Variants in ADAMTSL1 observed in about 807,000 individuals in gnomAD.
ADAMTSL1 encodes ADAMTS-like protein 1.
In ADAMTSL1, 126 loss-of-function variants were observed where a neutral mutation model predicts 201.8. The observed-to-expected ratio is 0.62, with a 90% CI of 0.54 to 0.72. ADAMTSL1 has a LOEUF of 0.72. Among genes scored for constraint, ADAMTSL1 ranks in the 30% least tolerant of loss-of-function variants. The pLI is 0.00. For missense variants in ADAMTSL1, 2,679 were observed against 2,277.8 expected, an observed-to-expected ratio of 1.18 and a Z score of -3.59; for synonymous variants, 1,121 against 903.4, an observed-to-expected ratio of 1.24 and a Z score of -4.32.
chr9:18,289,169 C>CTATG (rs746653611), intron 2 of ADAMTSL1, among the ~76,000 whole-genome samples: 2 of 106,822 alleles, frequency 1.9e-5, no homozygotes, highest in Admixed American at 1.8e-4. Flanking sequence ...ATCTATCTAT[C>CTATG]TATCTACCTA....
intron 16 of ADAMTSL1, among the ~76,000 whole-genome samples, chr9:18,766,477 T>A (rs532772758): frequency 8.5e-5 from 13 of 152,336 alleles, no homozygotes; most frequent in Non-Finnish European, 1.9e-4. Flanking sequence ...CTTTTTCAAA[T>A]GATCACATTT....
chr9:18,182,990 G>T (rs1828569166), intron 2 of ADAMTSL1, among the ~76,000 whole-genome samples: 1 of 152,072 alleles, frequency 6.6e-6, no homozygotes, highest in Non-Finnish European at 1.5e-5. Flanking sequence ...GGTGTTACTG[G>T]GTTCAAAACT....
intron 2 of ADAMTSL1, among the ~76,000 whole-genome samples, chr9:18,192,664 A>G (rs2132237133): frequency 6.6e-6 from 1 of 152,270 alleles, no homozygotes; most frequent in South Asian, 2.1e-4. Context: ...TGGATCACCT[A>G]GCAAATATTC....
chr9:18,779,482 C>T (rs1347266), intron 19 of ADAMTSL1, among the ~76,000 whole-genome samples: 38,588 of 152,062 alleles, frequency 0.25, 5,367 homozygotes, highest in African/African-American at 0.35. Flanking sequence ...GTAGGTACTA[C>T]TGTAGTTACC....
intron 2 of ADAMTSL1, among the ~76,000 whole-genome samples, chr9:18,348,008 G>C (rs960605001): frequency 1.3e-5 from 2 of 152,188 alleles, no homozygotes; most frequent in African/African-American, 4.8e-5. Context: ...AGCATTGAAA[G>C]CTTGAATCCT....
At chr9:18,639,522 T>A in intron 7 of ADAMTSL1, 111 bp downstream of exon 7, 2 of 1,294,712 alleles carry the variant, frequency 1.5e-6, no homozygotes, top group South Asian at 3.0e-5. Flanking sequence ...GAAAGCCCGT[T>A]TGTTACCCAG....
At chr9:18,098,660 C>T (rs890090051) in intron 1 of ADAMTSL1, among the ~76,000 whole-genome samples, 1 of 152,190 alleles carries the variant, frequency 6.6e-6, no homozygotes, top group Non-Finnish European at 1.5e-5. Flanking sequence ...ATGCTAACAA[C>T]TTCATTTCCT....
chr9:18,497,572 T>C (rs962498660), intron 1 of ADAMTSL1, among the ~76,000 whole-genome samples: 5 of 152,214 alleles, frequency 3.3e-5, no homozygotes, highest in Middle Eastern at 3.2e-3. Flanking sequence ...TCTCTCAGTC[T>C]TATGACAAAG....
At chr9:18,701,473 G>C (rs1333321926) in intron 13 of ADAMTSL1, among the ~76,000 whole-genome samples, 1 of 152,082 alleles carries the variant, frequency 6.6e-6, no homozygotes. Flanking sequence ...GCCCACCTCA[G>C]CCTCCCAAAG....
chr9:18,555,817 G>A (rs2132249313), intron 3 of ADAMTSL1, among the ~76,000 whole-genome samples: 1 of 152,022 alleles, frequency 6.6e-6, no homozygotes, highest in African/African-American at 2.4e-5. Context: ...CATCAAGTGT[G>A]GGCTGGATGG....
chr9:17,976,771 A>T (rs776374908), intron 1 of ADAMTSL1, among the ~76,000 whole-genome samples: 6 of 142,708 alleles, frequency 4.2e-5, no homozygotes, highest in Non-Finnish European at 7.5e-5. Flanking sequence ...ATCATCAATC[A>T]TCTACAAACA....
At chr9:18,173,187 G>T (rs1272496600) in intron 2 of ADAMTSL1, among the ~76,000 whole-genome samples, 1 of 152,034 alleles carries the variant, frequency 6.6e-6, no homozygotes. Flanking sequence ...CAAAAACTTG[G>T]GATAATATCT....
At chr9:18,781,247 G>C (rs1209247715) in intron 19 of ADAMTSL1, among the ~76,000 whole-genome samples, 2 of 152,120 alleles carry the variant, frequency 1.3e-5, no homozygotes, top group Non-Finnish European at 2.9e-5. Context: ...CATCGTTGTG[G>C]GGGAGGGTAG....
chr9:18,344,762 G>A (rs1835625354), intron 2 of ADAMTSL1, among the ~76,000 whole-genome samples: 1 of 152,094 alleles, frequency 6.6e-6, no homozygotes, highest in African/African-American at 2.4e-5. Context: ...ACTGTGGGGT[G>A]GAGGTGGAAA....
intron 2 of ADAMTSL1, among the ~76,000 whole-genome samples, chr9:18,353,256 G>A (rs919383180): frequency 2.6e-5 from 4 of 152,180 alleles, no homozygotes; most frequent in Non-Finnish European, 5.9e-5. Flanking sequence ...TGGTAAAGTG[G>A]TTAATACCTT....
intron 2 of ADAMTSL1, among the ~76,000 whole-genome samples, chr9:18,169,923 T>G (rs573598283): frequency 5.3e-5 from 8 of 152,180 alleles, no homozygotes; most frequent in South Asian, 2.1e-4. Flanking sequence ...TTTTTTGGAA[T>G]GCTCACAACT....
At chr9:18,029,194 A>T (rs1200332877) in intron 1 of ADAMTSL1, among the ~76,000 whole-genome samples, 1 of 152,192 alleles carries the variant, frequency 6.6e-6, no homozygotes, top group Non-Finnish European at 1.5e-5. Context: ...ATATACAATC[A>T]TGTCATCTGC....
intron 1 of ADAMTSL1, among the ~76,000 whole-genome samples, chr9:17,945,993 C>G (rs898295247): frequency 4.7e-4 from 71 of 151,312 alleles, no homozygotes; most frequent in Non-Finnish European, 1.9e-4. Flanking sequence ...AGAAAATCTT[C>G]CACCACATGT....
chr9:18,787,513 A>G (rs1366966586), intron 19 of ADAMTSL1, among the ~76,000 whole-genome samples: 1 of 152,188 alleles, frequency 6.6e-6, no homozygotes, highest in Non-Finnish European at 1.5e-5. Flanking sequence ...GCAGAGTTCC[A>G]GAAAAGTGGT....
Sources: gnomAD v4.1 joint callset for allele counts (sites outside exome capture counted in the v4.1 genomes callset) on GRCh38, gnomAD v4.1.1 for gene constraint, MANE v1.5 for transcripts, NCBI Gene and HGNC (gene_info 2026-07-23, HGNC 2026-07-21) for gene names.